The following SETD2 variants were observed in gnomAD, a reference collection of about 807,000 sequenced individuals.
The protein encoded by SETD2 is SET domain containing 2, histone lysine methyltransferase, also known as histone-lysine N-methyltransferase SETD2.
SETD2 carries 31 observed loss-of-function variants against 242.1 expected under a neutral mutation model. That is an observed-to-expected ratio of 0.13 (90% confidence interval 0.10 to 0.17). The LOEUF is 0.17. Ranked by LOEUF, SETD2 falls within the 10% of genes least tolerant of loss-of-function variation. The pLI is 1.00. For synonymous variants in SETD2, 1,006 were observed against 1,066.5 expected (o/e 0.94, Z 1.11); for missense variants, 2,481 against 3,046.3 (o/e 0.81, Z 4.37).
intron 1 of SETD2, among the ~76,000 whole-genome samples, chr3:47,133,887 C>G (rs1407676114): frequency 1.3e-5 from 2 of 152,136 alleles, no homozygotes; most frequent in African/African-American, 4.8e-5. Context: ...GGTAACGATA[C>G]TGTGAAGAGA....
intron 8 of SETD2, among the ~76,000 whole-genome samples, chr3:47,098,800 AAAT>A (rs1038874907): frequency 2.6e-5 from 4 of 152,062 alleles, no homozygotes; most frequent in East Asian, 3.9e-4. Flanking sequence ...TGTCTCAAAA[AAAT>A]AATAATAATA....
At chr3:47,023,204 G>A (rs957906880) in intron 18 of SETD2, among the ~76,000 whole-genome samples, 1 of 152,018 alleles carries the variant, frequency 6.6e-6, no homozygotes, top group Admixed American at 6.6e-5. Flanking sequence ...TTCGAGACCA[G>A]CCTGGCCAAG....
intron 7 of SETD2, 93 bp downstream of exon 7, chr3:47,103,253 A>T: frequency 1.3e-6 from 1 of 791,782 alleles, no homozygotes; most frequent in Non-Finnish European, 2.2e-6. Context: ...GGACTAAAAA[A>T]TTCATGAGTA....
chr3:47,114,984 G>C (rs1488919668), intron 4 of SETD2, among the ~76,000 whole-genome samples: 2 of 151,834 alleles, frequency 1.3e-5, no homozygotes, highest in African/African-American at 2.4e-5. Flanking sequence ...AATGGTCAAA[G>C]GATGAAGGAT....
intron 1 of SETD2, among the ~76,000 whole-genome samples, chr3:47,142,535 G>C (rs1471303890): frequency 1.3e-5 from 2 of 151,928 alleles, no homozygotes; most frequent in East Asian, 3.9e-4. Context: ...TAAAATAAAA[G>C]GTCATAATGA....
chr3:47,019,966 T>C, intron 18 of SETD2, 126 bp from the exon 19 acceptor site: 1 of 764,608 alleles, frequency 1.3e-6, no homozygotes, highest in Non-Finnish European at 2.2e-6. Context: ...TAGAATCCGT[T>C]TAGAGGCCCT....
Position 47,016,913 on chromosome 3 carries a change from C to G in SETD2, c.*180G>C. Reference sequence around the variant, plus strand: ...TGCCAACAGCTCACAACTAGGTAATCACTTGTAGATGGAGTTCATTTTTGT... The same window carrying G: ...TGCCAACAGCTCACAACTAGGTAATGACTTGTAGATGGAGTTCATTTTTGT... On this transcript the variant is annotated 3_prime_UTR_variant, in exon 21 of 21. Coordinates refer to ENST00000409792, the MANE Select transcript of SETD2 (RefSeq NM_014159.7). 1.7e-6 allele frequency: 1 copy of G among 602,772 alleles called. No individual in the cohort carries two copies. Among genetic ancestry groups the G allele is most frequent in the Non-Finnish European group, 2.9e-6 (1 of 343,940 alleles). The allele number at this position is 602,772 out of a possible 1,614,324, so 37.3% of individuals were successfully genotyped here. A position where few individuals can be genotyped will look rare whatever the true frequency, so the allele number is the denominator to read the frequency against.
At chr3:47,159,491 T>G (rs191850001) in intron 1 of SETD2, among the ~76,000 whole-genome samples, 1 of 152,318 alleles carries the variant, frequency 6.6e-6, no homozygotes, top group Non-Finnish European at 1.5e-5. Flanking sequence ...CATTTCTCAC[T>G]ACTCTTATAT....
intron 1 of SETD2, among the ~76,000 whole-genome samples, chr3:47,130,028 T>C (rs1374415139): frequency 3.3e-5 from 5 of 152,188 alleles, no homozygotes; most frequent in Non-Finnish European, 7.3e-5. Flanking sequence ...ATCCTCAATG[T>C]TGCTGCCCAA....
chr3:47,115,837 G>A (rs1046612830), intron 4 of SETD2, among the ~76,000 whole-genome samples: 5 of 151,992 alleles, frequency 3.3e-5, no homozygotes, highest in Non-Finnish European at 7.4e-5. Flanking sequence ...GTAGAGATGG[G>A]GTTTCACCAT....
chr3:47,119,998 A>G (rs2043008566), intron 3 of SETD2, among the ~76,000 whole-genome samples, 184 bp downstream of exon 3: 2 of 151,868 alleles, frequency 1.3e-5, no homozygotes, highest in South Asian at 4.2e-4. Flanking sequence ...CGGCGGGGGG[A>G]ATGGGGAAAG....
chr3:47,070,854 G>A (rs1476211537), intron 12 of SETD2, among the ~76,000 whole-genome samples: 6 of 152,190 alleles, frequency 3.9e-5, no homozygotes, highest in Admixed American at 3.3e-4. Context: ...TTTACTGGAA[G>A]AGAATACTGA....
chr3:47,117,527 G>A (rs1347732964), intron 3 of SETD2, among the ~76,000 whole-genome samples: 1 of 152,172 alleles, frequency 6.6e-6, no homozygotes, highest in East Asian at 1.9e-4. Context: ...CCTCATGGAT[G>A]AGCAAATAAT....
chr3:47,017,493 A>G lies in SETD2; in HGVS notation c.7533+145T>C, dbSNP rs1042110913. On this transcript the variant is annotated intron_variant, in intron 20 of 20. Transcript: ENST00000409792. The surrounding 1 kb of genome is among the most constrained non-coding windows in gnomAD (Gnocchi z 4.8). ...CATGTAAGGTACGCATCCCTCCCCAAACCTTCCCTCCCCGTTCCTGGGTCC... is the reference window on the plus strand; with the variant it reads ...CATGTAAGGTACGCATCCCTCCCCAGACCTTCCCTCCCCGTTCCTGGGTCC... 22 of 730,394 alleles carry G rather than the reference A, an allele frequency of 3.0e-5. No individual in the cohort carries two copies. The highest frequency in any genetic ancestry group is 2.5e-4 in the Middle Eastern group (1 of 3,982). 45.2% of individuals were successfully genotyped at this position (730,394 alleles called of 1,614,324 possible). A position where few individuals can be genotyped will look rare whatever the true frequency, so the allele number is the denominator to read the frequency against.
chr3:47,112,394 G>T (rs1209180689), intron 5 of SETD2, among the ~76,000 whole-genome samples: 1 of 151,642 alleles, frequency 6.6e-6, no homozygotes, highest in East Asian at 1.9e-4. Flanking sequence ...AGATTCTCCT[G>T]CCTCAGCCCC....
In SETD2 at chr3:47,121,475, G is replaced by T; in HGVS notation, c.3161C>A (p.Thr1054Lys). ...SSNDESDSED[T>K]DSDDSSIPRN... The stretch of plus-strand genomic sequence containing the variant: ...TGGAATACTGCTATCATCCGAATCT[G>T]TATCTTCTGAATCACTTTCATCATT... The change falls in exon 3 of 21, where the codon ACA (threonine) becomes AAA (lysine). Residue 1054 changes from threonine (T) to lysine (K), a missense_variant. Thr to Lys is a moderately conservative substitution (Grantham distance 78). This residue lies in a region of SETD2 where 1,300 missense variants were observed against 1,259.2 expected (regional missense o/e 1.03). Transcript: ENST00000409792. 6.2e-7 allele frequency: 1 copy of T among 1,613,656 alleles called. No individual in the cohort carries two copies. Among genetic ancestry groups the T allele is most frequent in the Non-Finnish European group, 8.5e-7 (1 of 1,179,996 alleles).
At chr3:47,159,375 T>G (rs1697412398) in intron 1 of SETD2, among the ~76,000 whole-genome samples, 1 of 152,234 alleles carries the variant, frequency 6.6e-6, no homozygotes. Flanking sequence ...ACTGTCTTTG[T>G]TGATGGCAAC....
chr3:47,106,223 G>A, intron 5 of SETD2, 103 bp from the exon 6 acceptor site: 2 of 965,326 alleles, frequency 2.1e-6, no homozygotes, highest in Non-Finnish European at 3.0e-6. Context: ...ACTGCAATGT[G>A]GATAAATTCA....
Position 47,057,114 on chromosome 3 carries a change from G to C in SETD2, c.6670C>G (p.Pro2224Ala), listed in dbSNP as rs1304905045. The part of the protein sequence containing the change: ...TEPLSAPPPV[P>A]VVPHVAAPVE... ...GGAGCTGCCACATGTGGCACCACTG[G>C]TACTGGTGGAGGGGCAGAAAGGGGT... Residue 2224 changes from proline to alanine, a missense_variant, in exon 15 of 21, where the codon CCA becomes GCA. Around this residue, in one of 17 missense-constraint regions of SETD2, gnomAD observed 235 missense variants for 293.9 expected, o/e 0.80. Coordinates refer to ENST00000409792, the MANE Select transcript of SETD2 (RefSeq NM_014159.7). 1 of 1,614,108 alleles carries C rather than the reference G, an allele frequency of 6.2e-7. No homozygotes were observed. The highest frequency in any genetic ancestry group is 8.5e-7 in the Non-Finnish European group (1 of 1,180,036).
Sources: gnomAD v4.1 joint callset for allele counts (sites outside exome capture counted in the v4.1 genomes callset) on GRCh38, gnomAD v4.1.1 for gene constraint, gnomAD v4.1.1 regional missense constraint, Gnocchi (gnomAD v3.1) non-coding constraint, MANE v1.5 for transcripts, NCBI Gene and HGNC (gene_info 2026-07-23, HGNC 2026-07-21) for gene names.